Variants in SLC35F2 observed in about 807,000 individuals in gnomAD.
The protein encoded by SLC35F2 is solute carrier family 35 member F2, also known as queuine/queuosine transporter SLC35F2.
In SLC35F2, 25 loss-of-function variants were observed where a neutral mutation model predicts 38.1. That is an observed-to-expected ratio of 0.66 (90% confidence interval 0.48 to 0.92). SLC35F2 has a LOEUF of 0.92. Ranked by LOEUF, SLC35F2 falls within the 40% of genes least tolerant of loss-of-function variation. The pLI is 0.00. For synonymous variants in SLC35F2, 173 were observed against 181.7 expected, an observed-to-expected ratio of 0.95 and a Z score of 0.38; for missense variants, 409 against 452.9, an observed-to-expected ratio of 0.90 and a Z score of 0.88.
chr11:107,845,414 G>T (rs368450875), intron 1 of SLC35F2, among the ~76,000 whole-genome samples: 1 of 151,338 alleles, frequency 6.6e-6, no homozygotes, highest in Admixed American at 6.6e-5. Flanking sequence ...CCAGCTACTC[G>T]GGAGGCTGAG....
Position 107,802,993 on chromosome 11 carries a change from T to G in SLC35F2, c.939+8A>C. On this transcript the variant is annotated splice_region_variant and intron_variant, in intron 7 of 7. Transcript: ENST00000525815. ...GTATTCTTATTTGAACGTGATCTATTTGTTTACCTTATAGCCAAACAGAAA... is the reference window on the plus strand; with the variant it reads ...GTATTCTTATTTGAACGTGATCTATGTGTTTACCTTATAGCCAAACAGAAA... 9 of 1,601,402 alleles carry G rather than the reference T, an allele frequency of 5.6e-6. No individual in the cohort carries two copies. Among genetic ancestry groups the G allele is most frequent in the Non-Finnish European group, 6.8e-6 (8 of 1,176,382 alleles).
At chr11:107,825,703 A>T (rs1859744803) in intron 1 of SLC35F2, among the ~76,000 whole-genome samples, 1 of 152,006 alleles carries the variant, frequency 6.6e-6, no homozygotes, top group Non-Finnish European at 1.5e-5. Flanking sequence ...CTCTCAGGAG[A>T]TACTTATGCT....
At chr11:107,854,731 T>C (rs1275801906) in intron 1 of SLC35F2, among the ~76,000 whole-genome samples, 1 of 152,160 alleles carries the variant, frequency 6.6e-6, no homozygotes, top group Non-Finnish European at 1.5e-5. Context: ...ACTTAGAACA[T>C]ATCCTCCTCA....
rs185036254 is a variant in SLC35F2, at chr11:107,845,310, G to A, written c.110+13348C>T. On this transcript the variant is annotated intron_variant, in intron 1 of 7. Transcript: ENST00000525815. ...TACATTTTTAAGAAATGACTAGAAG[G>A]TTCACACTTGTAATCCCAGCACTTT... Among the ~76,000 whole-genome samples the A allele has an allele frequency of 2.2e-3, 342 of 152,158 alleles. 3 individuals are homozygous for A. Among genetic ancestry groups the A allele is most frequent in the African/African-American group, 7.6e-3 (317 of 41,526 alleles).
chr11:107,846,374 G>T (rs11212408), intron 1 of SLC35F2, among the ~76,000 whole-genome samples: 64,471 of 151,874 alleles, frequency 0.42, 13,788 homozygotes, highest in Admixed American at 0.53. Context: ...CCACGATAAA[G>T]GTACTGTTTA....
At chr11:107,837,925 CAT>C (rs1189422822) in intron 1 of SLC35F2, among the ~76,000 whole-genome samples, 1 of 148,792 alleles carries the variant, frequency 6.7e-6, no homozygotes, top group Non-Finnish European at 1.5e-5. Flanking sequence ...CTTATACACA[CAT>C]AGTCTCACAA....
At chr11:107,839,056 G>C (rs1242893414) in intron 1 of SLC35F2, among the ~76,000 whole-genome samples, 1 of 152,194 alleles carries the variant, frequency 6.6e-6, no homozygotes, top group Non-Finnish European at 1.5e-5. Context: ...CAGAAAATTA[G>C]TAAGTCTACA....
chr11:107,857,317 GGGAA>G lies in SLC35F2; in HGVS notation c.110+1337_110+1340del, dbSNP rs202247657. 3.4e-3 allele frequency among the ~76,000 whole-genome samples: 501 copies of G among 145,960 alleles called. 1 individual carries two copies. Among genetic ancestry groups the G allele is most frequent in the Middle Eastern group, 0.019 (5 of 260 alleles). ...AGAGAGGGAACGAAGGAAGGAGAGAGGGAAGGAAGGAAGGAAGGAGAGAGAGGGA... is the reference window on the plus strand; with the variant it reads ...AGAGAGGGAACGAAGGAAGGAGAGAGGGAAGGAAGGAAGGAGAGAGAGGGA... On this transcript the variant is annotated intron_variant, in intron 1 of 7. Transcript: ENST00000525815.
intron 1 of SLC35F2, among the ~76,000 whole-genome samples, chr11:107,857,189 G>A (rs555544457): frequency 1.1e-4 from 15 of 142,418 alleles, no homozygotes; most frequent in African/African-American, 2.6e-4. Context: ...TGTCCAAGAC[G>A]GACGGACACG....
At chr11:107,803,421 C>T (rs1409816209) in intron 6 of SLC35F2, 5 of 985,206 alleles carry the variant, frequency 5.1e-6, no homozygotes, top group Admixed American at 6.2e-5. Flanking sequence ...TATGGTGTGA[C>T]AGTCCATTGC....
intron 7 of SLC35F2, among the ~76,000 whole-genome samples, chr11:107,799,867 CT>C (rs771657190): frequency 2.8e-5 from 4 of 142,770 alleles, no homozygotes; most frequent in African/African-American, 2.6e-5. Flanking sequence ...CACACTTTGG[CT>C]TTTTTTTTGT....
intron 1 of SLC35F2, among the ~76,000 whole-genome samples, chr11:107,829,174 T>G (rs1859798093): frequency 6.7e-6 from 1 of 149,152 alleles, no homozygotes. Context: ...ATCTCAGCAC[T>G]TTGGAAGGCT....
At chr11:107,799,889 T>TTG (rs201233693) in intron 7 of SLC35F2, among the ~76,000 whole-genome samples, 115 of 73,664 alleles carry the variant, frequency 1.6e-3, no homozygotes, top group African/African-American at 0.013. Flanking sequence ...TTTTGTTTGT[T>TTG]TTTGTTTTTT....
chr11:107,829,546 T>C (rs2134821495), intron 1 of SLC35F2, among the ~76,000 whole-genome samples: 1 of 152,282 alleles, frequency 6.6e-6, no homozygotes, highest in Middle Eastern at 3.4e-3. Flanking sequence ...ATCTTTGGAC[T>C]TCCCAGCCTT....
chr11:107,825,014 A>G (rs1859731225), intron 1 of SLC35F2, among the ~76,000 whole-genome samples: 1 of 152,050 alleles, frequency 6.6e-6, no homozygotes, highest in African/African-American at 2.4e-5. Flanking sequence ...AACTTAAATA[A>G]AATAGCCATA....
intron 4 of SLC35F2, chr11:107,805,745 T>A (rs142594278): frequency 1.2e-6 from 1 of 811,306 alleles, no homozygotes; most frequent in African/African-American, 1.9e-5. Context: ...TGGCGCAATC[T>A]CAGCTCACTG....
chr11:107,856,738 G>A (rs1449289009), intron 1 of SLC35F2, among the ~76,000 whole-genome samples: 2 of 151,310 alleles, frequency 1.3e-5, no homozygotes, highest in Non-Finnish European at 3.0e-5. Flanking sequence ...GAGGGAGGGA[G>A]GGAGGGAGAG....
intron 1 of SLC35F2, among the ~76,000 whole-genome samples, chr11:107,838,849 G>C (rs946565846): frequency 4.6e-5 from 7 of 150,908 alleles, no homozygotes; most frequent in African/African-American, 1.7e-4. Flanking sequence ...AGCTGGTCTC[G>C]AACTCCTGAC....
intron 1 of SLC35F2, among the ~76,000 whole-genome samples, chr11:107,828,433 C>CAAA (rs201937489): frequency 1.6e-3 from 140 of 88,512 alleles, no homozygotes; most frequent in African/African-American, 4.2e-3. Flanking sequence ...AACTCCATCT[C>CAAA]AAAAAAAAAA....
Sources: allele counts gnomAD v4.1 joint callset (sites outside exome capture counted in the v4.1 genomes callset), GRCh38; gene constraint gnomAD v4.1.1; transcripts MANE v1.5; gene names NCBI Gene and HGNC (gene_info 2026-07-23, HGNC 2026-07-21).